The following MORN1 variants were observed in gnomAD, a reference collection of about 807,000 sequenced individuals.
The protein encoded by MORN1 is MORN repeat containing 1.
A neutral mutation model predicts 61.9 loss-of-function variants in MORN1; 67 were observed. The observed-to-expected ratio is 1.08, with a 90% confidence interval of 0.89 to 1.33. MORN1 has a LOEUF of 1.33. Among genes scored for constraint, MORN1 ranks in the 40% most tolerant of loss-of-function variants. MORN1 has a pLI of 0.00. For synonymous variants in MORN1, 301 were observed against 292.0 expected, an observed-to-expected ratio of 1.03 and a Z score of -0.31; for missense variants, 752 against 691.2, an observed-to-expected ratio of 1.09 and a Z score of -0.99.
chr1:2,384,261 C>T (rs1642436552), intron 6 of MORN1, among the ~76,000 whole-genome samples: 1 of 152,232 alleles, frequency 6.6e-6, no homozygotes, highest in African/African-American at 2.4e-5. Flanking sequence ...CTTCTCTTGC[C>T]TTTGCCCGCA....
chr1:2,338,660 G>A (rs887116337), intron 10 of MORN1, among the ~76,000 whole-genome samples: 1 of 152,210 alleles, frequency 6.6e-6, no homozygotes, highest in African/African-American at 2.4e-5. Flanking sequence ...TGGGAGTTTA[G>A]AAAAGGTATT....
At chr1:2,343,741 C>T (rs1247105766) in intron 10 of MORN1, among the ~76,000 whole-genome samples, 1 of 152,190 alleles carries the variant, frequency 6.6e-6, no homozygotes, top group African/African-American at 2.4e-5. Flanking sequence ...GGAGGACGCA[C>T]AGCCGCAGAG....
At chr1:2,379,379 T>C (rs980418984) in intron 6 of MORN1, among the ~76,000 whole-genome samples, 1 of 152,190 alleles carries the variant, frequency 6.6e-6, no homozygotes, top group African/African-American at 2.4e-5. Context: ...GGGGTGTGGC[T>C]GGAGGGGCAG....
intron 8 of MORN1, among the ~76,000 whole-genome samples, chr1:2,367,473 AAAAC>A (rs1458282933): frequency 7.2e-5 from 11 of 151,774 alleles, no homozygotes; most frequent in Non-Finnish European, 1.3e-4. Flanking sequence ...AAAAATTACA[AAAAC>A]AAACAAAAAG....
At chr1:2,371,517 T>C (rs1642122295) in intron 8 of MORN1, 1 of 152,172 alleles carries the variant, frequency 6.6e-6, no homozygotes, top group South Asian at 2.1e-4. Context: ...AAAGACACAA[T>C]TCCAAGTGTT....
At chr1:2,387,895 G>A (rs1293545773) in intron 3 of MORN1, 1 of 419,706 alleles carries the variant, frequency 2.4e-6, no homozygotes, top group Non-Finnish European at 4.3e-6. Flanking sequence ...TCTGGCGTGA[G>A]GGTCTGAGGT....
At position 2,337,654 on chromosome 1, in the gene MORN1, C is replaced by T. The variant is rs528762754; in HGVS notation, c.1037-804G>A. Among the ~76,000 whole-genome samples the T allele has an allele frequency of 5.9e-5, 9 of 152,334 alleles. No individual in the cohort carries two copies. The South Asian group carries it at 1.4e-3, about 25-fold the overall frequency. On this transcript the variant is annotated intron_variant, in intron 10 of 13. Transcript: ENST00000378531. This position sits in a 1 kb window ranked among gnomAD's most constrained non-coding sequence, Gnocchi z 5.7. ...TCAGTGCAGCCCCTCCACACACACA[C>T]ATCAGAGCCCACGTTCCTACGAGCA... is the stretch of plus-strand genomic sequence containing the variant.
chr1:2,357,150 C>T lies in MORN1; in HGVS notation c.1036+282G>A, dbSNP rs1641792432. Among the ~76,000 whole-genome samples the T allele has an allele frequency of 6.6e-6, 1 of 152,166 alleles. No homozygotes were observed. Among genetic ancestry groups the T allele is most frequent in the Admixed American group, 6.5e-5 (1 of 15,286 alleles). ...CCTGGGTGAGTCTGCTGCCCTCAGCCAAGTAGACCCAGAACTCTGCCCTGA... is the reference window on the plus strand; with the variant it reads ...CCTGGGTGAGTCTGCTGCCCTCAGCTAAGTAGACCCAGAACTCTGCCCTGA... On this transcript the variant is annotated intron_variant, in intron 10 of 13. Coordinates refer to ENST00000378531, the MANE Select transcript of MORN1 (RefSeq NM_024848.3). The surrounding 1 kb of genome is among the most constrained non-coding windows in gnomAD (Gnocchi z 6.3).
rs1351823349 is a variant in MORN1, at chr1:2,348,658, C to T, written c.1036+8774G>A. ...ACGCACCTGCGCAGGCACGCACACA[C>T]GCACGCACACGCACACCTGCGCAGG... On this transcript the variant is annotated intron_variant, in intron 10 of 13. Coordinates refer to ENST00000378531, the MANE Select transcript of MORN1 (RefSeq NM_024848.3). 6.0e-5 allele frequency among the ~76,000 whole-genome samples: 9 copies of T among 151,070 alleles called. 1 individual carries two copies. Among genetic ancestry groups the T allele is most frequent in the African/African-American group, 1.5e-4 (6 of 41,036 alleles).
At chr1:2,368,977 A>T (rs930821144) in intron 8 of MORN1, among the ~76,000 whole-genome samples, 1 of 151,394 alleles carries the variant, frequency 6.6e-6, no homozygotes, top group Admixed American at 6.6e-5. Flanking sequence ...GAATCGCTTG[A>T]GCCCGGGAAG....
chr1:2,388,983 G>T (rs868089411), intron 2 of MORN1, among the ~76,000 whole-genome samples: 1 of 151,596 alleles, frequency 6.6e-6, no homozygotes, highest in East Asian at 1.9e-4. Context: ...GTGGTGGCAG[G>T]TGCCTGTAAT....
In MORN1 at chr1:2,357,248, C is replaced by G. The variant is rs1395331634; in HGVS notation, c.1036+184G>C. Among the ~76,000 whole-genome samples, 1 of 152,202 alleles carries G rather than the reference C, an allele frequency of 6.6e-6. No individual in the cohort carries two copies. Among genetic ancestry groups the G allele is most frequent in the Non-Finnish European group, 1.5e-5 (1 of 68,024 alleles). ...ATCGGCTTGAGCCTCCGCAGCCACC[C>G]GTGACTGCTTGTCTGGGGATGTGGG... On this transcript the variant is annotated intron_variant, in intron 10 of 13. Transcript: ENST00000378531. The surrounding 1 kb of genome is among the most constrained non-coding windows in gnomAD (Gnocchi z 6.3).
chr1:2,354,868 A>C (rs1392294038), intron 10 of MORN1, among the ~76,000 whole-genome samples: 1 of 152,104 alleles, frequency 6.6e-6, no homozygotes, highest in African/African-American at 2.4e-5. Flanking sequence ...TCGGCACCCA[A>C]CTCCAAATGT....
intron 12 of MORN1, among the ~76,000 whole-genome samples, chr1:2,330,466 G>A (rs1641125303): frequency 6.6e-6 from 1 of 152,152 alleles, no homozygotes; most frequent in Admixed American, 6.5e-5. Context: ...CCCCACCGGT[G>A]GCCTTTCAAA....
chr1:2,387,580 G>A (rs754490349), intron 3 of MORN1, 51 bp from the exon 4 acceptor site: 30 of 1,319,100 alleles, frequency 2.3e-5, no homozygotes, highest in Non-Finnish European at 2.9e-5. Flanking sequence ...TCAGGGCTGC[G>A]GCCCCAGTCG....
intron 12 of MORN1, among the ~76,000 whole-genome samples, chr1:2,325,386 C>T (rs115683642): frequency 0.023 from 3,512 of 151,006 alleles, 143 homozygotes; most frequent in African/African-American, 0.081. Context: ...CAGCTCACTG[C>T]GGCCTCCAAC....
At chr1:2,378,761 G>C in intron 6 of MORN1, 1 of 366,548 alleles carries the variant, frequency 2.7e-6, no homozygotes, top group Non-Finnish European at 5.3e-6. Flanking sequence ...GACGTGTGGG[G>C]CCTGCCCAAG....
At chr1:2,323,897 C>T (rs1047078649) in intron 13 of MORN1, 200 bp downstream of exon 13, 1 of 984,858 alleles carries the variant, frequency 1.0e-6, no homozygotes, top group Non-Finnish European at 1.2e-6. Flanking sequence ...TCTGGACCGT[C>T]CCCAGCCCCC....
In MORN1 at chr1:2,358,577, G is replaced by A; in HGVS notation, c.869+15C>T. The A allele has an allele frequency of 1.2e-6, 2 of 1,614,032 alleles. No homozygotes were observed. The highest frequency in any genetic ancestry group is 1.7e-6 in the Non-Finnish European group (2 of 1,179,916). Reference sequence around the variant, plus strand: ...ACAAACTCAGAACTAACTCATTGGTGTCACACGTACTCACAATGGGGTCTG... The same window carrying A: ...ACAAACTCAGAACTAACTCATTGGTATCACACGTACTCACAATGGGGTCTG... On this transcript the variant is annotated intron_variant, in intron 9 of 13. Coordinates refer to ENST00000378531, the MANE Select transcript of MORN1 (RefSeq NM_024848.3).
Sources: gnomAD v4.1 joint callset for allele counts (sites outside exome capture counted in the v4.1 genomes callset) on GRCh38, gnomAD v4.1.1 for gene constraint, Gnocchi (gnomAD v3.1) non-coding constraint, MANE v1.5 for transcripts, NCBI Gene and HGNC (gene_info 2026-07-23, HGNC 2026-07-21) for gene names.